PLCXD3: variants seen among roughly 807,000 people sequenced by gnomAD.
The protein encoded by PLCXD3 is phosphatidylinositol specific phospholipase C X domain containing 3.
Under a neutral mutation model 25.5 loss-of-function variants are expected in PLCXD3, and 19 were observed. The observed-to-expected ratio is 0.75, with a 90% confidence interval of 0.52 to 1.09. PLCXD3 has a LOEUF of 1.09. Ranked by LOEUF, PLCXD3 falls within the 50% of genes least tolerant of loss-of-function variation. The pLI is 0.00. For synonymous variants in PLCXD3, 174 were observed against 137.6 expected (o/e 1.26, Z -1.85); for missense variants, 411 against 388.1 (o/e 1.06, Z -0.50).
intron 1 of PLCXD3, among the ~76,000 whole-genome samples, chr5:41,409,448 C>A (rs1209172559): frequency 6.6e-6 from 1 of 152,176 alleles, no homozygotes; most frequent in Non-Finnish European, 1.5e-5. Flanking sequence ...TGGCTAGCAC[C>A]TTTTCATTCA....
intron 1 of PLCXD3, among the ~76,000 whole-genome samples, chr5:41,421,243 A>G (rs1746813343): frequency 6.6e-6 from 1 of 152,160 alleles, no homozygotes; most frequent in South Asian, 2.1e-4. Flanking sequence ...TATAAAATTT[A>G]TTGTCAACTA....
chr5:41,404,667 T>C (rs1046798622), intron 1 of PLCXD3, among the ~76,000 whole-genome samples: 1 of 152,190 alleles, frequency 6.6e-6, no homozygotes, highest in Non-Finnish European at 1.5e-5. Context: ...ATATAGTAAG[T>C]ATGAATCTTT....
chr5:41,411,760 T>C (rs973185362), intron 1 of PLCXD3, among the ~76,000 whole-genome samples: 1 of 146,044 alleles, frequency 6.8e-6, no homozygotes, highest in Admixed American at 6.8e-5. Context: ...AATTTATAAT[T>C]TATAATATTT....
At chr5:41,478,867 T>C (rs2150522195) in intron 1 of PLCXD3, among the ~76,000 whole-genome samples, 1 of 152,250 alleles carries the variant, frequency 6.6e-6, no homozygotes, top group South Asian at 2.1e-4. Context: ...GCAAGCACCT[T>C]CTTCACATGG....
intron 2 of PLCXD3, among the ~76,000 whole-genome samples, chr5:41,322,077 AT>A (rs932124822): frequency 7.9e-5 from 12 of 152,198 alleles, no homozygotes; most frequent in African/African-American, 2.9e-4. Context: ...ACATGGACAA[AT>A]GGGATCACAT....
intron 2 of PLCXD3, among the ~76,000 whole-genome samples, chr5:41,354,739 C>A (rs908074910): frequency 6.6e-6 from 1 of 152,156 alleles, no homozygotes; most frequent in Admixed American, 6.5e-5. Flanking sequence ...CTCACTCAAA[C>A]TCATTTTTTT....
At chr5:41,498,279 A>G (rs937048745) in intron 1 of PLCXD3, among the ~76,000 whole-genome samples, 2 of 151,640 alleles carry the variant, frequency 1.3e-5, no homozygotes, top group African/African-American at 4.8e-5. Flanking sequence ...CATAAGTGAC[A>G]TTTAGCTAAA....
At chr5:41,328,755 C>T (rs1004375826) in intron 2 of PLCXD3, among the ~76,000 whole-genome samples, 6 of 152,124 alleles carry the variant, frequency 3.9e-5, no homozygotes, top group Non-Finnish European at 8.8e-5. Context: ...AACCAGAGGT[C>T]GTCTTCTCAT....
chr5:41,483,580 G>A (rs933287761), intron 1 of PLCXD3, among the ~76,000 whole-genome samples: 3 of 152,108 alleles, frequency 2.0e-5, no homozygotes, highest in Non-Finnish European at 4.4e-5. Flanking sequence ...TAAGCTTAAT[G>A]AGTACAGAAT....
intron 2 of PLCXD3, among the ~76,000 whole-genome samples, chr5:41,366,551 T>A (rs2150487038): frequency 6.6e-6 from 1 of 152,326 alleles, no homozygotes; most frequent in South Asian, 2.1e-4. Context: ...GAGAAGACTA[T>A]GTTAATACTT....
chr5:41,453,094 A>G (rs1747673382), intron 1 of PLCXD3, among the ~76,000 whole-genome samples: 1 of 151,980 alleles, frequency 6.6e-6, no homozygotes, highest in Admixed American at 6.6e-5. Flanking sequence ...GTTGTACAAT[A>G]GATCTCTTGA....
intron 1 of PLCXD3, among the ~76,000 whole-genome samples, chr5:41,395,614 C>T (rs1263423695): frequency 6.6e-6 from 1 of 151,742 alleles, no homozygotes; most frequent in African/African-American, 2.4e-5. Flanking sequence ...TTAGAAATAA[C>T]AAAGGAAACA....
intron 1 of PLCXD3, among the ~76,000 whole-genome samples, chr5:41,497,152 G>A (rs1748859837): frequency 6.6e-6 from 1 of 151,198 alleles, no homozygotes; most frequent in African/African-American, 2.4e-5. Context: ...TGAAAAAAAG[G>A]TATGAAAAAG....
intron 1 of PLCXD3, among the ~76,000 whole-genome samples, chr5:41,453,246 T>C (rs2150514794): frequency 6.6e-6 from 1 of 152,074 alleles, no homozygotes; most frequent in African/African-American, 2.4e-5. Flanking sequence ...TATATGCCAT[T>C]CCATTTTCTG....
At chr5:41,418,233 AAC>A (rs202051830) in intron 1 of PLCXD3, among the ~76,000 whole-genome samples, 46 of 152,208 alleles carry the variant, frequency 3.0e-4, no homozygotes, top group Admixed American at 9.2e-4. Context: ...TTTCATTTAA[AAC>A]ACACACACAC....
chr5:41,362,562 A>C (rs1744817751), intron 2 of PLCXD3, among the ~76,000 whole-genome samples: 1 of 152,214 alleles, frequency 6.6e-6, no homozygotes, highest in Non-Finnish European at 1.5e-5. Context: ...TCATTTTACA[A>C]TTGAGAATGT....
intron 2 of PLCXD3, among the ~76,000 whole-genome samples, chr5:41,325,587 G>A (rs1486083028): frequency 6.6e-6 from 1 of 152,026 alleles, no homozygotes; most frequent in Admixed American, 6.6e-5. Context: ...TTTTTTGTTT[G>A]GTGTCTGAAG....
intron 2 of PLCXD3, among the ~76,000 whole-genome samples, chr5:41,344,191 C>T (rs1744241257): frequency 6.6e-6 from 1 of 152,042 alleles, no homozygotes; most frequent in Admixed American, 6.6e-5. Flanking sequence ...AGAATCACTC[C>T]ATGAACACAG....
chr5:41,348,704 T>C (rs1744371104), intron 2 of PLCXD3, among the ~76,000 whole-genome samples: 1 of 152,126 alleles, frequency 6.6e-6, no homozygotes, highest in East Asian at 1.9e-4. Flanking sequence ...GGTGTGATAT[T>C]GAATATGTTT....
Sources: gnomAD v4.1 joint callset for allele counts (sites outside exome capture counted in the v4.1 genomes callset) on GRCh38, gnomAD v4.1.1 for gene constraint, MANE v1.5 for transcripts, NCBI Gene and HGNC (gene_info 2026-07-23, HGNC 2026-07-21) for gene names.